The following RBM11 variants were observed in gnomAD, a reference collection of about 807,000 sequenced individuals.
RBM11 encodes the protein RNA binding motif protein 11, also known as splicing regulator RBM11.
RBM11 carries 18 observed loss-of-function variants against 21.4 expected under a neutral mutation model. The ratio of observed to expected loss-of-function variants is 0.84; its 90% CI spans 0.58 to 1.25. RBM11 has a LOEUF of 1.25. Among genes scored for constraint, RBM11 ranks in the 50% most tolerant of loss-of-function variants. RBM11 has a pLI of 0.00. For synonymous variants in RBM11, 120 were observed against 116.3 expected (o/e 1.03, Z -0.20); for missense variants, 294 against 331.9 (o/e 0.89, Z 0.89).
In RBM11 at chr21:14,227,103, T is replaced by C. The variant is rs1979164864; in HGVS notation, c.656T>C (p.Val219Ala). Reference sequence around the variant, plus strand: ...TCCGTGTCTTCCTCACTGAATCATGTTCCAGATCTTGAGGCTGGACCCAGC... The same window carrying C: ...TCCGTGTCTTCCTCACTGAATCATGCTCCAGATCTTGAGGCTGGACCCAGC... The part of the protein sequence containing the change: ...SASVSSSLNH[V>A]PDLEAGPSSY... The change falls in exon 5 of 5, where the codon GTT becomes GCT. Residue 219 changes from valine (V) to alanine (A), a missense_variant. Val to Ala is a moderately conservative substitution (Grantham distance 64). Around this residue, in one of 2 missense-constraint regions of RBM11, gnomAD observed 113 missense variants for 167.3 expected, o/e 0.68. Transcript: ENST00000400577. The C allele has an allele frequency of 6.2e-7, 1 of 1,603,016 alleles. No individual in the cohort carries two copies. The highest frequency in any genetic ancestry group is 1.1e-5 in the South Asian group (1 of 88,632).
intron 2 of RBM11, among the ~76,000 whole-genome samples, 183 bp from the exon 3 acceptor site, chr21:14,220,914 T>C (rs1978611336): frequency 1.3e-5 from 2 of 152,172 alleles, no homozygotes; most frequent in Admixed American, 1.3e-4. Context: ...TTGATATATA[T>C]ATAGTACTGT....
At chr21:14,222,645 T>G (rs891521614) in intron 3 of RBM11, among the ~76,000 whole-genome samples, 1 of 152,196 alleles carries the variant, frequency 6.6e-6, no homozygotes, top group African/African-American at 2.4e-5. Flanking sequence ...GAAATTAGAT[T>G]GCCTGAATTT....
rs1979223422 is a variant in RBM11, at chr21:14,227,640, C to T, written c.*347C>T. ...GCATCATGTTCCCTTTGATTATCCC[C>T]TATAACCAACACTCAACTACAAATA... On this transcript the variant is annotated 3_prime_UTR_variant, in exon 5 of 5. Transcript: ENST00000400577. 4.5e-6 allele frequency: 1 copy of T among 221,192 alleles called. No homozygotes were observed. Among genetic ancestry groups the T allele is most frequent in the Admixed American group, 5.4e-5 (1 of 18,612 alleles). The allele number at this position is 221,192 out of a possible 1,614,324, so 13.7% of individuals were successfully genotyped here. A position where few individuals can be genotyped will look rare whatever the true frequency, so the allele number is the denominator to read the frequency against.
chr21:14,216,426 C>G (rs2020445978), intron 1 of RBM11, 144 bp downstream of exon 1: 2 of 669,346 alleles, frequency 3.0e-6, no homozygotes, highest in Non-Finnish European at 5.1e-6. Context: ...GCGCACCTGT[C>G]TCCAGGTGAG....
Position 14,228,362 on chromosome 21 carries a change from T to A in RBM11, c.*1069T>A, listed in dbSNP as rs552057392. 1 of 152,288 alleles carries A rather than the reference T, an allele frequency of 6.6e-6. No homozygotes were observed. Among genetic ancestry groups the A allele is most frequent in the Non-Finnish European group, 1.5e-5 (1 of 68,030 alleles). The allele number at this position is 152,288 out of a possible 1,614,324, so 9.4% of individuals were successfully genotyped here. ...TATTATTTAAAAAAATAAAGATATG[T>A]TTTTAATGAAGAGAGTAACTGAATT... On this transcript the variant is annotated 3_prime_UTR_variant, in exon 5 of 5. Coordinates refer to ENST00000400577, the MANE Select transcript of RBM11 (RefSeq NM_144770.5).
intron 1 of RBM11, among the ~76,000 whole-genome samples, chr21:14,217,774 G>T (rs1050360041): frequency 2.0e-5 from 3 of 152,012 alleles, no homozygotes; most frequent in Admixed American, 2.0e-4. Context: ...TAAACTTAGA[G>T]TTATTTTTCT....
rs781125119 is a variant in RBM11, at chr21:14,221,140, C to G, written c.303C>G (p.Ser101Arg). ...AACCAGCTAACCAAAGTTTTGAGAG[C>G]TGTGTTAAGATAAATTCACACAACT... ...SSEPANQSFE[S>R]CVKINSHNYR... is the part of the protein sequence containing the mutation. Residue 101 changes from serine to arginine, a missense_variant, in exon 3 of 5, where the codon AGC (serine) becomes AGG (arginine). Around this residue, in one of 2 missense-constraint regions of RBM11, gnomAD observed 181 missense variants for 164.6 expected, o/e 1.10. Transcript: ENST00000400577. 6.3e-7 allele frequency: 1 copy of G among 1,577,078 alleles called. No individual in the cohort carries two copies. The highest frequency in any genetic ancestry group is 8.6e-7 in the Non-Finnish European group (1 of 1,159,920).
chr21:14,225,775 G>GGA (rs1252013218), intron 4 of RBM11, among the ~76,000 whole-genome samples: 1 of 152,038 alleles, frequency 6.6e-6, no homozygotes, highest in South Asian at 2.1e-4. Context: ...AGATGGGGTA[G>GGA]GAGAGAGACA....
Position 14,220,345 on chromosome 21 carries a change from G to T in RBM11, c.259+620G>T, listed in dbSNP as rs566792503. Among the ~76,000 whole-genome samples, 15 of 152,230 alleles carry T rather than the reference G, an allele frequency of 9.9e-5. No individual in the cohort carries two copies. The South Asian group carries it at 2.9e-3, about 29-fold the overall frequency. On this transcript the variant is annotated intron_variant, in intron 2 of 4. Transcript: ENST00000400577. ...AAGAGAATGTTATACCATTACTCTA[G>T]CTCTTTCATGTTTCAGGAGACTAAT... is the stretch of plus-strand genomic sequence containing the variant.
intron 1 of RBM11, 66 bp downstream of exon 1, chr21:14,216,348 T>G (rs974690119): frequency 2.2e-6 from 3 of 1,393,766 alleles, no homozygotes; most frequent in Non-Finnish European, 3.0e-6. Context: ...AGCGCGCACC[T>G]GGACCACCCG....
At chr21:14,223,380 C>T (rs1978835623) in intron 3 of RBM11, among the ~76,000 whole-genome samples, 1 of 151,860 alleles carries the variant, frequency 6.6e-6, no homozygotes, top group Admixed American at 6.6e-5. Flanking sequence ...ATGAATATTC[C>T]CTGTGTTAGT....
intron 3 of RBM11, among the ~76,000 whole-genome samples, chr21:14,224,188 C>G (rs916731566): frequency 1.3e-5 from 2 of 152,104 alleles, no homozygotes; most frequent in Non-Finnish European, 2.9e-5. Flanking sequence ...ATGACCTCAT[C>G]TTAACTAATG....
intron 1 of RBM11, 149 bp downstream of exon 1, chr21:14,216,431 G>A (rs1215587275): frequency 3.0e-6 from 2 of 662,918 alleles, no homozygotes; most frequent in African/African-American, 1.8e-5. Context: ...CCTGTCTCCA[G>A]GTGAGCGGCT....
chr21:14,226,791 A>G (rs1366308185), intron 4 of RBM11, 89 bp from the exon 5 acceptor site: 4 of 1,499,566 alleles, frequency 2.7e-6, no homozygotes, highest in African/African-American at 1.4e-5. Flanking sequence ...TAGTTTACTC[A>G]TGGCTATTGT....
intron 4 of RBM11, among the ~76,000 whole-genome samples, chr21:14,226,346 C>T (rs1044757343): frequency 5.9e-5 from 9 of 151,970 alleles, no homozygotes; most frequent in Non-Finnish European, 8.8e-5. Context: ...GGGCTGGGTG[C>T]GGTGGCTCAC....
At chr21:14,223,418 G>T (rs994606085) in intron 3 of RBM11, among the ~76,000 whole-genome samples, 5 of 152,090 alleles carry the variant, frequency 3.3e-5, no homozygotes, top group Non-Finnish European at 5.9e-5. Flanking sequence ...ACAAAGTACC[G>T]CAAACAGAGT....
chr21:14,221,742 C>A (rs899634354), intron 3 of RBM11, among the ~76,000 whole-genome samples: 3 of 152,180 alleles, frequency 2.0e-5, no homozygotes, highest in African/African-American at 7.2e-5. Context: ...AAGGCTCCCA[C>A]ACCAAATGAA....
chr21:14,227,265 G>A lies in RBM11; in HGVS notation c.818G>A (p.Arg273Gln), dbSNP rs192706210. 3.7e-3 allele frequency: 5,967 copies of A among 1,611,998 alleles called. 22 individuals carry two copies. The highest frequency in any genetic ancestry group is 4.6e-3 in the Non-Finnish European group (5,465 of 1,179,218). Reference protein sequence around the residue: ...NRGNECSQKFRKSKKKKRY With the variant: ...NRGNECSQKFQKSKKKKRY Reference sequence around the variant, plus strand: ...GGCAACGAATGTAGCCAAAAGTTCCGAAAGTCTAAGAAGAAGAAAAGATAC... The same window carrying A: ...GGCAACGAATGTAGCCAAAAGTTCCAAAAGTCTAAGAAGAAGAAAAGATAC... The change falls in exon 5 of 5, where the codon CGA becomes CAA. Residue 273 changes from arginine (R) to glutamine (Q), a missense_variant. Physicochemically the swap from Arg to Gln is conservative, Grantham distance 43. Coordinates refer to ENST00000400577, the MANE Select transcript of RBM11 (RefSeq NM_144770.5).
chr21:14,222,521 G>A (rs1037260946), intron 3 of RBM11, among the ~76,000 whole-genome samples: 1 of 152,000 alleles, frequency 6.6e-6, no homozygotes, highest in Non-Finnish European at 1.5e-5. Flanking sequence ...CTGTCAAATA[G>A]CCAGGTTTAT....
Sources: gnomAD v4.1 joint callset for allele counts (sites outside exome capture counted in the v4.1 genomes callset) on GRCh38, gnomAD v4.1.1 for gene constraint, gnomAD v4.1.1 regional missense constraint, MANE v1.5 for transcripts, NCBI Gene and HGNC (gene_info 2026-07-23, HGNC 2026-07-21) for gene names.